Variants in ATP11B observed in about 807,000 individuals in gnomAD.
The protein encoded by ATP11B is phospholipid-transporting ATPase IF.
A neutral mutation model predicts 157.8 loss-of-function variants in ATP11B; 81 were observed. The observed-to-expected ratio is 0.51, with a 90% confidence interval of 0.43 to 0.62. The LOEUF (loss-of-function observed/expected upper bound fraction) is 0.62, where lower values mean the gene tolerates loss of function less well. Ranked by LOEUF, ATP11B falls within the 20% of genes least tolerant of loss-of-function variation. The probability of loss-of-function intolerance (pLI) is 0.00; values close to 1 mark genes in which losing one functional copy is unlikely to be tolerated. For synonymous variants in ATP11B, 451 were observed against 469.4 expected, an observed-to-expected ratio of 0.96 and a Z score of 0.51; for missense variants, 1,165 against 1,402.2, an observed-to-expected ratio of 0.83 and a Z score of 2.70.
chr3:182,799,611 A>G (rs1715855955), intron 1 of ATP11B, among the ~76,000 whole-genome samples: 1 of 152,176 alleles, frequency 6.6e-6, no homozygotes, highest in Non-Finnish European at 1.5e-5. Context: ...AATATTCATA[A>G]TTAGCTTAGT....
At chr3:182,835,777 C>T (rs569042809) in intron 4 of ATP11B, among the ~76,000 whole-genome samples, 4 of 152,160 alleles carry the variant, frequency 2.6e-5, no homozygotes, top group South Asian at 2.1e-4. Context: ...AAGGTGACAT[C>T]GAAGGAGCCT....
At chr3:182,844,517 T>C (rs989133682) in intron 8 of ATP11B, 2 of 972,078 alleles carry the variant, frequency 2.1e-6, no homozygotes, top group Non-Finnish European at 2.4e-6. Flanking sequence ...TTTCTAGTTA[T>C]TCCTTGTCGT....
chr3:182,885,028 A>G, intron 22 of ATP11B, 130 bp downstream of exon 22: 1 of 607,494 alleles, frequency 1.6e-6, no homozygotes, highest in Non-Finnish European at 2.5e-6. Context: ...TTTTGTCATA[A>G]ATCTATTCTA....
chr3:182,880,723 T>TA (rs1414851560), intron 20 of ATP11B, among the ~76,000 whole-genome samples, 156 bp from the exon 21 acceptor site: 1 of 152,184 alleles, frequency 6.6e-6, no homozygotes, highest in African/African-American at 2.4e-5. Context: ...TTAATGGAGA[T>TA]ACCCTCAAAA....
At chr3:182,849,726 G>A (rs1449160830) in intron 10 of ATP11B, among the ~76,000 whole-genome samples, 1 of 152,034 alleles carries the variant, frequency 6.6e-6, no homozygotes, top group East Asian at 1.9e-4. Context: ...AAAAAGATTA[G>A]GAAAAATGAA....
At chr3:182,799,710 A>G (rs906505796) in intron 1 of ATP11B, among the ~76,000 whole-genome samples, 3 of 152,210 alleles carry the variant, frequency 2.0e-5, no homozygotes, top group Non-Finnish European at 4.4e-5. Flanking sequence ...AAAATATCAA[A>G]ATGAAACTCA....
intron 21 of ATP11B, among the ~76,000 whole-genome samples, chr3:182,884,189 T>C (rs191141147): frequency 3.0e-3 from 452 of 152,206 alleles, no homozygotes; most frequent in Non-Finnish European, 4.2e-3. Context: ...ATTAAAAAAG[T>C]ATTCATATTT....
At chr3:182,799,909 T>G (rs1392221229) in intron 1 of ATP11B, among the ~76,000 whole-genome samples, 3 of 152,048 alleles carry the variant, frequency 2.0e-5, no homozygotes, top group African/African-American at 2.4e-5. Context: ...GCCAGGAGTT[T>G]AAGGCCAGAT....
chr3:182,887,844 G>A (rs1722902958), intron 24 of ATP11B, 131 bp downstream of exon 24: 1 of 944,306 alleles, frequency 1.1e-6, no homozygotes, highest in African/African-American at 1.7e-5. Flanking sequence ...TACAGTTGTT[G>A]AATATCAGAG....
chr3:182,814,127 A>G (rs966858497), intron 1 of ATP11B, among the ~76,000 whole-genome samples: 4 of 151,958 alleles, frequency 2.6e-5, no homozygotes, highest in African/African-American at 9.7e-5. Context: ...CAATGGTGCA[A>G]TCTTGGCTCA....
chr3:182,880,675 G>C (rs1339013736), intron 20 of ATP11B, among the ~76,000 whole-genome samples: 1 of 151,984 alleles, frequency 6.6e-6, no homozygotes, highest in African/African-American at 2.4e-5. Flanking sequence ...ATAATTCTCT[G>C]TTTTATTATA....
intron 22 of ATP11B, among the ~76,000 whole-genome samples, chr3:182,885,370 C>T (rs943710165): frequency 6.6e-6 from 1 of 152,058 alleles, no homozygotes; most frequent in Non-Finnish European, 1.5e-5. Context: ...ACATTAAGAG[C>T]CCCTGTTACC....
intron 29 of ATP11B, chr3:182,915,675 A>T: frequency 1.0e-6 from 1 of 974,380 alleles, no homozygotes; most frequent in Non-Finnish European, 1.2e-6. Context: ...CTATATACAT[A>T]TATCCATTTT....
intron 21 of ATP11B, among the ~76,000 whole-genome samples, chr3:182,882,321 A>G (rs888767272): frequency 6.6e-6 from 1 of 152,158 alleles, no homozygotes; most frequent in African/African-American, 2.4e-5. Context: ...TATACCATAC[A>G]TTTAAGGCTA....
At chr3:182,891,006 G>T (rs1723138158) in intron 25 of ATP11B, among the ~76,000 whole-genome samples, 1 of 152,156 alleles carries the variant, frequency 6.6e-6, no homozygotes. Context: ...CCTGCACGTT[G>T]TGCACATGTA....
chr3:182,794,036 C>G (rs1715429956), intron 1 of ATP11B, among the ~76,000 whole-genome samples: 1 of 152,120 alleles, frequency 6.6e-6, no homozygotes, highest in Non-Finnish European at 1.5e-5. Flanking sequence ...CTAGCCGGCG[C>G]TTCTCCGTTA....
intron 17 of ATP11B, among the ~76,000 whole-genome samples, chr3:182,869,940 C>T (rs1244735340): frequency 6.6e-6 from 1 of 152,140 alleles, no homozygotes; most frequent in East Asian, 1.9e-4. Flanking sequence ...GAATGAAGTA[C>T]CAATATATGC....
intron 28 of ATP11B, among the ~76,000 whole-genome samples, chr3:182,904,366 T>C (rs951655541): frequency 5.9e-5 from 9 of 152,220 alleles, no homozygotes; most frequent in African/African-American, 2.2e-4. Context: ...GAGTGACCAC[T>C]AGGTGGGCAT....
chr3:182,817,471 G>A (rs1191145504), intron 1 of ATP11B, among the ~76,000 whole-genome samples: 1 of 152,120 alleles, frequency 6.6e-6, no homozygotes, highest in Non-Finnish European at 1.5e-5. Context: ...AGTAGAGACG[G>A]AGTTTCACCA....
Sources: gnomAD v4.1 joint callset for allele counts (sites outside exome capture counted in the v4.1 genomes callset) on GRCh38, gnomAD v4.1.1 for gene constraint, MANE v1.5 for transcripts, NCBI Gene and HGNC (gene_info 2026-07-23, HGNC 2026-07-21) for gene names.